MTMR12: variants seen among roughly 807,000 people sequenced by gnomAD.
MTMR12 encodes myotubularin-related protein 12.
MTMR12 carries 33 observed loss-of-function variants against 96.7 expected under a neutral mutation model. The observed-to-expected ratio is 0.34, with a 90% CI of 0.26 to 0.46. The LOEUF (loss-of-function observed/expected upper bound fraction) is 0.46, where lower values mean the gene tolerates loss of function less well. Among genes scored for constraint, MTMR12 ranks in the 20% least tolerant of loss-of-function variants. The pLI is 1.00. For synonymous variants in MTMR12, 298 were observed against 327.2 expected (o/e 0.91, Z 0.96); for missense variants, 721 against 896.1 (o/e 0.80, Z 2.49).
chr5:32,293,583 T>C (rs1004224753), intron 1 of MTMR12, among the ~76,000 whole-genome samples: 16 of 152,158 alleles, frequency 1.1e-4, no homozygotes, highest in African/African-American at 3.9e-4. Context: ...TCCTATTAGT[T>C]CTATCCCTCT....
intron 6 of MTMR12, among the ~76,000 whole-genome samples, chr5:32,266,789 A>G (rs959918231): frequency 4.0e-5 from 6 of 151,838 alleles, no homozygotes; most frequent in Admixed American, 3.3e-4. Flanking sequence ...TGTTAAGAGT[A>G]ATGGATGGAG....
At chr5:32,302,344 A>G (rs1306065564) in intron 1 of MTMR12, among the ~76,000 whole-genome samples, 1 of 152,218 alleles carries the variant, frequency 6.6e-6, no homozygotes, top group Non-Finnish European at 1.5e-5. Context: ...ACTTGATTTG[A>G]TTTACTCATA....
chr5:32,257,969 A>G (rs1749207415), intron 7 of MTMR12, among the ~76,000 whole-genome samples: 2 of 152,120 alleles, frequency 1.3e-5, no homozygotes, highest in Admixed American at 6.5e-5. Flanking sequence ...CATATAAAAT[A>G]TAAAAAATTG....
chr5:32,267,444 GGAA>G (rs1749645502), intron 6 of MTMR12, among the ~76,000 whole-genome samples: 1 of 151,560 alleles, frequency 6.6e-6, no homozygotes, highest in Non-Finnish European at 1.5e-5. Context: ...AAGAACAAGA[GGAA>G]GAAAACAGAC....
chr5:32,268,370 T>G (rs1179873275), intron 6 of MTMR12, among the ~76,000 whole-genome samples: 2 of 152,100 alleles, frequency 1.3e-5, no homozygotes, highest in African/African-American at 4.8e-5. Flanking sequence ...TAGTCAGGCA[T>G]GGTGGTGGGC....
At chr5:32,254,325 G>A (rs930653036) in intron 8 of MTMR12, among the ~76,000 whole-genome samples, 1 of 152,188 alleles carries the variant, frequency 6.6e-6, no homozygotes, top group African/African-American at 2.4e-5. Context: ...AAAAGCAGTG[G>A]TGGTAAAATT....
At chr5:32,288,509 C>G (rs573699408) in intron 1 of MTMR12, among the ~76,000 whole-genome samples, 1 of 152,304 alleles carries the variant, frequency 6.6e-6, no homozygotes, top group East Asian at 1.9e-4. Flanking sequence ...GAGGTTGAGA[C>G]TGTGGCACGT....
At chr5:32,237,548 T>C (rs1215805269) in intron 13 of MTMR12, among the ~76,000 whole-genome samples, 1 of 151,974 alleles carries the variant, frequency 6.6e-6, no homozygotes, top group Non-Finnish European at 1.5e-5. Context: ...TCTCATTCTG[T>C]CACCCAGGCT....
chr5:32,257,885 G>A (rs1047232766), intron 7 of MTMR12, among the ~76,000 whole-genome samples: 1 of 151,900 alleles, frequency 6.6e-6, no homozygotes. Flanking sequence ...TGGGCAACAC[G>A]GCAAAATCCC....
intron 6 of MTMR12, among the ~76,000 whole-genome samples, chr5:32,268,359 T>G (rs1344057009): frequency 6.6e-6 from 1 of 151,796 alleles, no homozygotes. Flanking sequence ...AATACAAAAA[T>G]TAGTCAGGCA....
At chr5:32,240,438 G>T (rs1244301836) in intron 12 of MTMR12, among the ~76,000 whole-genome samples, 2 of 151,638 alleles carry the variant, frequency 1.3e-5, no homozygotes, top group African/African-American at 4.8e-5. Flanking sequence ...AACTAGGGAG[G>T]TGCTCATATT....
Position 32,248,159 on chromosome 5 carries a change from A to T in MTMR12, c.897-33T>A, listed in dbSNP as rs759593883. On this transcript the variant is annotated intron_variant, in intron 9 of 15. Coordinates refer to ENST00000382142, the MANE Select transcript of MTMR12 (RefSeq NM_001040446.3). Reference sequence around the variant, plus strand: ...TCAAAAAGGAATATGAGATTAGAAGAGCAAACTCAAATTTTGCTTAAGGAT... The same window carrying T: ...TCAAAAAGGAATATGAGATTAGAAGTGCAAACTCAAATTTTGCTTAAGGAT... 3 of 1,599,794 alleles carry T rather than the reference A, an allele frequency of 1.9e-6. 1 individual carries two copies. The South Asian group carries it at 3.3e-5, about 18-fold the overall frequency.
chr5:32,312,640 C>A lies in MTMR12; in HGVS notation c.81+118G>T. The A allele has an allele frequency of 1.0e-6, 1 of 958,012 alleles. No homozygotes were observed. The highest frequency in any genetic ancestry group is 1.7e-5 in the African/African-American group (1 of 57,464). 59.3% of individuals were successfully genotyped at this position (958,012 alleles called of 1,614,324 possible). A position where few individuals can be genotyped will look rare whatever the true frequency, so the allele number is the denominator to read the frequency against. ...GCCTCAGCCCGCCTGGCTGCCCCGTCGCCCGGCACAAGGGCAGGAAGCGCT... is the reference window on the plus strand; with the variant it reads ...GCCTCAGCCCGCCTGGCTGCCCCGTAGCCCGGCACAAGGGCAGGAAGCGCT... On this transcript the variant is annotated intron_variant, in intron 1 of 15. Coordinates refer to ENST00000382142, the MANE Select transcript of MTMR12 (RefSeq NM_001040446.3). This position sits in a 1 kb window ranked among gnomAD's most constrained non-coding sequence, Gnocchi z 5.0.
rs764667561 is a variant in MTMR12 at position 32,230,351 on chromosome 5, T to G, written c.1675-4A>C. 1 of 1,592,840 alleles carries G rather than the reference T, an allele frequency of 6.3e-7. No individual in the cohort carries two copies. Among genetic ancestry groups the G allele is most frequent in the Non-Finnish European group, 8.5e-7 (1 of 1,171,472 alleles). On this transcript the variant is annotated splice_region_variant and splice_polypyrimidine_tract_variant and intron_variant, in intron 15 of 15. Coordinates refer to ENST00000382142, the MANE Select transcript of MTMR12 (RefSeq NM_001040446.3). ...GCAAAGAAAGTTGTCGTTGATGCTTTGAGAGAAAACACAAATAAAAATCAC... is the reference window on the plus strand; with the variant it reads ...GCAAAGAAAGTTGTCGTTGATGCTTGGAGAGAAAACACAAATAAAAATCAC...
At chr5:32,253,982 T>C (rs7718219) in intron 8 of MTMR12, among the ~76,000 whole-genome samples, 68,355 of 152,138 alleles carry the variant, frequency 0.45, 16,479 homozygotes, top group African/African-American at 0.62. Flanking sequence ...CTTATCAGAA[T>C]ATTTGCTACT....
intron 12 of MTMR12, among the ~76,000 whole-genome samples, chr5:32,241,200 G>T (rs956004885): frequency 6.6e-6 from 1 of 152,152 alleles, no homozygotes; most frequent in East Asian, 1.9e-4. Flanking sequence ...GTCACGGCTG[G>T]TTAGGTCTTT....
In MTMR12 at chr5:32,255,765, C is replaced by T. The variant is rs1749111184; in HGVS notation, c.717G>A (p.Leu239=). ...GGGTGGGGACAACAAAGTATGCTGG[C>T]AATCTAGAAGAAAGAAATGTCATCA... ...VNEGYKVCER[L]PAYFVVPTPL... is the part of the protein sequence containing the mutation. The change falls in exon 8 of 16, where the codon TTG becomes TTA. Residue 239 remains leucine (L), a synonymous_variant. Transcript: ENST00000382142. 6.2e-7 allele frequency: 1 copy of T among 1,610,008 alleles called. No individual in the cohort carries two copies. The highest frequency in any genetic ancestry group is 1.7e-4 in the Middle Eastern group (1 of 6,040).
chr5:32,275,589 A>G (rs1750019608), intron 2 of MTMR12, among the ~76,000 whole-genome samples: 1 of 152,240 alleles, frequency 6.6e-6, no homozygotes, highest in Non-Finnish European at 1.5e-5. Context: ...CACAGAGTCT[A>G]GAAGCACAAG....
At chr5:32,269,895 AT>A (rs1212347282) in intron 5 of MTMR12, among the ~76,000 whole-genome samples, 6 of 152,206 alleles carry the variant, frequency 3.9e-5, no homozygotes, top group Non-Finnish European at 8.8e-5. Flanking sequence ...GACTAAAACC[AT>A]TGTTCAAATT....
Sources: gnomAD v4.1 joint callset for allele counts (sites outside exome capture counted in the v4.1 genomes callset) on GRCh38, gnomAD v4.1.1 for gene constraint, Gnocchi (gnomAD v3.1) non-coding constraint, MANE v1.5 for transcripts, NCBI Gene and HGNC (gene_info 2026-07-23, HGNC 2026-07-21) for gene names.